The following DOCK3 variants were observed in gnomAD, a reference collection of about 807,000 sequenced individuals.
The protein encoded by DOCK3 is dedicator of cytokinesis 3.
DOCK3 carries 60 observed loss-of-function variants against 265.6 expected under a neutral mutation model. The ratio of observed to expected loss-of-function variants is 0.23; its 90% confidence interval spans 0.18 to 0.28. DOCK3 has a LOEUF of 0.28. DOCK3 is among the 10% of genes least tolerant of loss of function. The pLI is 1.00. For synonymous variants in DOCK3, 881 were observed against 938.0 expected (o/e 0.94, Z 1.11); for missense variants, 1,981 against 2,594.3 (o/e 0.76, Z 5.14).
chr3:51,308,611 T>G (rs1023622497), intron 27 of DOCK3, among the ~76,000 whole-genome samples: 14 of 152,312 alleles, frequency 9.2e-5, no homozygotes, highest in South Asian at 2.1e-4. Flanking sequence ...GTCTCCCACG[T>G]CTACTTCTTT....
chr3:51,182,137 A>G (rs753316746), intron 12 of DOCK3, among the ~76,000 whole-genome samples: 2 of 152,182 alleles, frequency 1.3e-5, no homozygotes, highest in African/African-American at 2.4e-5. Flanking sequence ...TAGAGCTAGC[A>G]TAGTTAAAGG....
chr3:50,958,920 A>G (rs923124896), intron 5 of DOCK3, among the ~76,000 whole-genome samples: 4 of 152,162 alleles, frequency 2.6e-5, no homozygotes, highest in Admixed American at 1.3e-4. Context: ...TAATTTTGCA[A>G]TTTACCTACC....
At chr3:51,114,750 C>G (rs1576127033) in intron 9 of DOCK3, among the ~76,000 whole-genome samples, 1 of 152,208 alleles carries the variant, frequency 6.6e-6, no homozygotes, top group African/African-American at 2.4e-5. Flanking sequence ...GTTTGCTGCA[C>G]CCATCAACCT....
chr3:51,036,902 C>G (rs1049466300), intron 5 of DOCK3, among the ~76,000 whole-genome samples: 1 of 152,148 alleles, frequency 6.6e-6, no homozygotes, highest in African/African-American at 2.4e-5. Flanking sequence ...CAAGCTCTCT[C>G]TTTGCCTGCT....
In DOCK3 at chr3:51,126,961, T is replaced by TTA. The variant is rs201253113; in HGVS notation, c.747-19574_747-19573dup. On this transcript the variant is annotated intron_variant, in intron 9 of 52. Transcript: ENST00000266037. ...GTTGTTCCCCTCTGTGGTAGGGTTC[T>TTA]TATATATATATATATGAGTTTATTA... Among the ~76,000 whole-genome samples the TTA allele has an allele frequency of 1.0e-3, 155 of 150,948 alleles. 1 individual carries two copies. Among genetic ancestry groups the TTA allele is most frequent in the East Asian group, 7.4e-3 (38 of 5,156 alleles).
chr3:50,759,428 T>C (rs2040396643), intron 1 of DOCK3, among the ~76,000 whole-genome samples: 1 of 152,140 alleles, frequency 6.6e-6, no homozygotes, highest in Non-Finnish European at 1.5e-5. Flanking sequence ...CATCTCATTG[T>C]GCTTTGATTT....
At chr3:50,912,919 C>G (rs186811150) in intron 4 of DOCK3, among the ~76,000 whole-genome samples, 9 of 152,180 alleles carry the variant, frequency 5.9e-5, no homozygotes, top group East Asian at 3.9e-4. Context: ...TCGAGGGCCC[C>G]TAGAGGCTGC....
intron 32 of DOCK3, among the ~76,000 whole-genome samples, chr3:51,324,919 A>C (rs924231937): frequency 6.6e-6 from 1 of 152,236 alleles, no homozygotes; most frequent in African/African-American, 2.4e-5. Flanking sequence ...TATTAACTCA[A>C]CGTGGATTAA....
At chr3:51,323,158 A>C (rs1255216958) in intron 32 of DOCK3, among the ~76,000 whole-genome samples, 1 of 152,190 alleles carries the variant, frequency 6.6e-6, no homozygotes. Context: ...AGCACTAACT[A>C]TCCTAAATAT....
At chr3:50,758,459 G>C (rs893435137) in intron 1 of DOCK3, among the ~76,000 whole-genome samples, 1 of 151,946 alleles carries the variant, frequency 6.6e-6, no homozygotes, top group Non-Finnish European at 1.5e-5. Context: ...GTAAAAAAAA[G>C]ATATATAATT....
At chr3:50,930,890 G>A (rs1218815956) in intron 4 of DOCK3, among the ~76,000 whole-genome samples, 2 of 152,172 alleles carry the variant, frequency 1.3e-5, no homozygotes, top group African/African-American at 4.8e-5. Context: ...CACTTCCCCC[G>A]AAGCGTGGCC....
Position 50,675,218 on chromosome 3 carries a change from G to A in DOCK3, c.-46G>A, listed in dbSNP as rs1234771233. ...CCGGGCCCGCGGCCGTCCCCGCCGCGTTGTCGCCCGGTCGCCGCGCCCGCG... is the reference window on the plus strand; with the variant it reads ...CCGGGCCCGCGGCCGTCCCCGCCGCATTGTCGCCCGGTCGCCGCGCCCGCG... On this transcript the variant is annotated 5_prime_UTR_variant, in exon 1 of 53. Transcript: ENST00000266037. The surrounding 1 kb of genome is among the most constrained non-coding windows in gnomAD (Gnocchi z 6.1). 8 of 1,124,520 alleles carry A rather than the reference G, an allele frequency of 7.1e-6. No individual in the cohort carries two copies. Among genetic ancestry groups the A allele is most frequent in the Non-Finnish European group, 7.7e-6 (7 of 914,418 alleles). The allele number at this position is 1,124,520 out of a possible 1,614,324, so 69.7% of individuals were successfully genotyped here. A position where few individuals can be genotyped will look rare whatever the true frequency, so the allele number is the denominator to read the frequency against.
rs535805929 is a variant in DOCK3 at position 51,302,223 on chromosome 3, T to C, written c.2923-8009T>C. On this transcript the variant is annotated intron_variant, in intron 27 of 52. Transcript: ENST00000266037. ...TTTTTGTCTTTGTTGGTTTAAAGTC[T>C]GTTTTGTCAGAAACTAGGATTGCAA... Among the ~76,000 whole-genome samples, 4 of 152,340 alleles carry C rather than the reference T, an allele frequency of 2.6e-5. No homozygotes were observed. The South Asian group carries it at 6.2e-4, about 24-fold the overall frequency.
intron 27 of DOCK3, among the ~76,000 whole-genome samples, chr3:51,309,676 AC>A: frequency 6.6e-6 from 1 of 152,176 alleles, no homozygotes; most frequent in East Asian, 1.9e-4. Flanking sequence ...TACAGAGCGT[AC>A]ATGGGACTCA....
intron 1 of DOCK3, chr3:50,719,455 G>C: frequency 1.4e-6 from 1 of 703,246 alleles, no homozygotes; most frequent in East Asian, 2.6e-5. Context: ...TGGTCTGATG[G>C]TTAAGATAAA....
At chr3:51,348,097 T>C (rs191009883) in intron 38 of DOCK3, among the ~76,000 whole-genome samples, 32 of 152,348 alleles carry the variant, frequency 2.1e-4, no homozygotes, top group African/African-American at 7.5e-4. Context: ...AGGGACAATT[T>C]GACTTCCAAA....
At position 50,841,654 on chromosome 3, in the gene DOCK3, T is replaced by C. The variant is rs550121017; in HGVS notation, c.122-21T>C. On this transcript the variant is annotated intron_variant, in intron 2 of 52. Transcript: ENST00000266037. ...TGAACATGACATTGTGATTTTAATA[T>C]TCTCTTATGCTTTGTTTTAGGTTGG... 2.7e-5 allele frequency: 34 copies of C among 1,259,152 alleles called. No homozygotes were observed. In the African/African-American group the frequency reaches 4.8e-4, roughly 18 times the overall value. 78.0% of individuals were successfully genotyped at this position (1,259,152 alleles called of 1,614,324 possible). A position where few individuals can be genotyped will look rare whatever the true frequency, so the allele number is the denominator to read the frequency against.
intron 12 of DOCK3, among the ~76,000 whole-genome samples, chr3:51,188,085 A>G (rs1343080092): frequency 6.6e-6 from 1 of 152,116 alleles, no homozygotes; most frequent in Non-Finnish European, 1.5e-5. Flanking sequence ...TCCTTTCTTT[A>G]TCTGTTCCCT....
chr3:50,736,186 T>C (rs1488293480), intron 1 of DOCK3, among the ~76,000 whole-genome samples: 2 of 152,254 alleles, frequency 1.3e-5, no homozygotes, highest in Middle Eastern at 3.4e-3. Flanking sequence ...TTGCTGAGAA[T>C]GATGGTTTCC....
Sources: gnomAD v4.1 joint callset for allele counts (sites outside exome capture counted in the v4.1 genomes callset) on GRCh38, gnomAD v4.1.1 for gene constraint, Gnocchi (gnomAD v3.1) non-coding constraint, MANE v1.5 for transcripts, NCBI Gene and HGNC (gene_info 2026-07-23, HGNC 2026-07-21) for gene names.